Variants in EPHA6 observed in about 807,000 individuals in gnomAD.
EPHA6 encodes EPH receptor A6.
Under a neutral mutation model 112.0 loss-of-function variants are expected in EPHA6, and 50 were observed. The ratio of observed to expected loss-of-function variants is 0.45; its 90% CI spans 0.36 to 0.56. EPHA6 has a LOEUF of 0.56. EPHA6 is among the 20% of genes least tolerant of loss of function. The probability of loss-of-function intolerance (pLI) is 0.00; values close to 1 mark genes in which losing one functional copy is unlikely to be tolerated. For missense variants in EPHA6, 1,280 were observed against 1,417.4 expected (o/e 0.90, Z 1.56); for synonymous variants, 529 against 490.7 (o/e 1.08, Z -1.03).
intron 11 of EPHA6, among the ~76,000 whole-genome samples, chr3:97,545,140 C>A (rs2092926583): frequency 6.6e-6 from 1 of 152,066 alleles, no homozygotes; most frequent in Non-Finnish European, 1.5e-5. Flanking sequence ...TTTTCTAGTT[C>A]TTTTAATTGT....
intron 2 of EPHA6, among the ~76,000 whole-genome samples, chr3:96,934,291 A>T (rs1030107178): frequency 2.0e-5 from 3 of 151,738 alleles, no homozygotes; most frequent in African/African-American, 7.2e-5. Context: ...TTGCAGATCT[A>T]ATCTTCATTT....
At chr3:96,916,672 G>C (rs1351000182) in intron 2 of EPHA6, among the ~76,000 whole-genome samples, 3 of 152,048 alleles carry the variant, frequency 2.0e-5, no homozygotes, top group Non-Finnish European at 2.9e-5. Context: ...GTCCTCAAAG[G>C]GTAGGAAGTA....
chr3:97,115,016 A>ATGAG (rs1480197525), intron 3 of EPHA6, among the ~76,000 whole-genome samples: 1 of 151,980 alleles, frequency 6.6e-6, no homozygotes, highest in Non-Finnish European at 1.5e-5. Context: ...TATCTGCATC[A>ATGAG]TGAGTGTACA....
intron 3 of EPHA6, among the ~76,000 whole-genome samples, chr3:97,171,263 A>G (rs2076692177): frequency 1.3e-5 from 2 of 152,322 alleles, no homozygotes; most frequent in East Asian, 1.9e-4. Flanking sequence ...CATTTATTCC[A>G]AATGCATAGA....
chr3:96,914,777 T>C (rs2039403233), intron 2 of EPHA6, among the ~76,000 whole-genome samples: 1 of 152,086 alleles, frequency 6.6e-6, no homozygotes, highest in Non-Finnish European at 1.5e-5. Context: ...ATTTTGATTT[T>C]TTTCATACTC....
At chr3:97,575,450 A>G (rs1203262569) in intron 11 of EPHA6, among the ~76,000 whole-genome samples, 2 of 152,170 alleles carry the variant, frequency 1.3e-5, no homozygotes, top group Non-Finnish European at 2.9e-5. Context: ...GAGTAATCTC[A>G]TTTACCTTAA....
intron 2 of EPHA6, among the ~76,000 whole-genome samples, chr3:96,953,989 C>T (rs2041658889): frequency 6.6e-6 from 1 of 152,156 alleles, no homozygotes; most frequent in South Asian, 2.1e-4. Context: ...ACTCCCACCT[C>T]AGCCTCCTGT....
In EPHA6 at chr3:96,871,044, A is replaced by G. The variant is rs143220093; in HGVS notation, c.450+4155A>G. Among the ~76,000 whole-genome samples, 41 of 152,162 alleles carry G rather than the reference A, an allele frequency of 2.7e-4. No homozygotes were observed. In the East Asian group the frequency reaches 5.8e-3, roughly 22 times the overall value. ...TTTCTGTTGGTGAATATGGAGTGCT[A>G]TAGTTACTGTTTTCAAACTGATATT... On this transcript the variant is annotated intron_variant, in intron 2 of 17. Transcript: ENST00000389672.
intron 3 of EPHA6, among the ~76,000 whole-genome samples, chr3:97,044,384 A>G (rs1478573734): frequency 1.3e-5 from 2 of 152,148 alleles, no homozygotes; most frequent in East Asian, 1.9e-4. Flanking sequence ...TACAGACATG[A>G]TTGCCTTTAA....
intron 5 of EPHA6, among the ~76,000 whole-genome samples, chr3:97,296,740 C>T (rs1192431924): frequency 6.6e-6 from 1 of 152,048 alleles, no homozygotes; most frequent in Non-Finnish European, 1.5e-5. Context: ...CACAGACAGG[C>T]AGGTTTTATA....
intron 2 of EPHA6, among the ~76,000 whole-genome samples, chr3:96,965,168 AC>A (rs916184783): frequency 2.6e-5 from 4 of 152,134 alleles, no homozygotes; most frequent in African/African-American, 9.7e-5. Context: ...AGACTCAGTT[AC>A]TGTTACAGGA....
chr3:97,210,262 A>AACTTACAATCATGGGGGAAGGC (rs2077831821), intron 3 of EPHA6, among the ~76,000 whole-genome samples: 1 of 152,132 alleles, frequency 6.6e-6, no homozygotes, highest in African/African-American at 2.4e-5. Flanking sequence ...GGTCTCAGAA[A>AACTTACAATCATGGGGGAAGGC]ACTTACAATC....
At chr3:97,050,165 G>T (rs957761046) in intron 3 of EPHA6, among the ~76,000 whole-genome samples, 1 of 152,124 alleles carries the variant, frequency 6.6e-6, no homozygotes, top group Admixed American at 6.6e-5. Context: ...ATAGCCTTGG[G>T]CAGGTTAGGA....
chr3:97,678,782 T>C (rs1166172408), intron 14 of EPHA6, among the ~76,000 whole-genome samples: 3 of 152,318 alleles, frequency 2.0e-5, no homozygotes, highest in East Asian at 3.9e-4. Flanking sequence ...ATATGAATAA[T>C]ACAAGCCCTG....
At chr3:97,696,650 T>G (rs576597869) in intron 14 of EPHA6, among the ~76,000 whole-genome samples, 1 of 152,300 alleles carries the variant, frequency 6.6e-6, no homozygotes, top group African/African-American at 2.4e-5. Flanking sequence ...GAATGTATTC[T>G]TCTAGCAAAA....
chr3:97,233,755 CA>C (rs997748386), intron 4 of EPHA6, among the ~76,000 whole-genome samples: 5 of 151,876 alleles, frequency 3.3e-5, no homozygotes, highest in East Asian at 1.9e-4. Context: ...TTTTTGGTGT[CA>C]GGGGTAGAGA....
intron 5 of EPHA6, among the ~76,000 whole-genome samples, chr3:97,366,373 T>G (rs1211062913): frequency 6.6e-6 from 1 of 152,132 alleles, no homozygotes; most frequent in Non-Finnish European, 1.5e-5. Context: ...CTGACCACAA[T>G]GCCCTAAGTC....
chr3:97,255,829 A>G (rs940948253), intron 5 of EPHA6, among the ~76,000 whole-genome samples: 4 of 151,746 alleles, frequency 2.6e-5, no homozygotes, highest in African/African-American at 9.7e-5. Context: ...GTAGATTTTC[A>G]GTAAATGACA....
chr3:97,743,962 T>C (rs564828216), intron 16 of EPHA6, among the ~76,000 whole-genome samples: 4 of 152,084 alleles, frequency 2.6e-5, no homozygotes, highest in African/African-American at 7.2e-5. Flanking sequence ...GCTAGTACTA[T>C]TGTGAACTCA....
Sources: gnomAD v4.1 joint callset for allele counts (sites outside exome capture counted in the v4.1 genomes callset) on GRCh38, gnomAD v4.1.1 for gene constraint, MANE v1.5 for transcripts, NCBI Gene and HGNC (gene_info 2026-07-23, HGNC 2026-07-21) for gene names.